BMAL1: variants seen among roughly 807,000 people sequenced by gnomAD.
BMAL1 encodes basic helix-loop-helix ARNT-like protein 1.
At chr11:13,328,327 G>A in the BMAL1 span, among the ~76,000 whole-genome samples, 1 of 152,160 alleles carries the variant, frequency 6.6e-6, no homozygotes, top group African/African-American at 2.4e-5. Context: ...TGAAATTTCA[G>A]TCTTTAAAAA....
At chr11:13,295,786 C>G in the BMAL1 span, among the ~76,000 whole-genome samples, 1 of 152,274 alleles carries the variant, frequency 6.6e-6, no homozygotes, top group Non-Finnish European at 1.5e-5. Flanking sequence ...ATTTTCTCTC[C>G]TATTATTTTC....
At chr11:13,374,031 C>A in the BMAL1 span, 1 of 1,466,120 alleles carries the variant, frequency 6.8e-7, no homozygotes, top group Non-Finnish European at 9.5e-7. Flanking sequence ...TTATCCATTG[C>A]AAAGTTGCAA....
At chr11:13,354,438 A>G in the BMAL1 span, 2 of 1,614,006 alleles carry the variant, frequency 1.2e-6, no homozygotes, top group African/African-American at 1.3e-5. Context: ...AGGCAGCTCC[A>G]CTGACTACCA....
At chr11:13,330,524 C>T in the BMAL1 span, among the ~76,000 whole-genome samples, 4 of 152,220 alleles carry the variant, frequency 2.6e-5, no homozygotes, top group Admixed American at 1.3e-4. Flanking sequence ...GGCCTGCAGC[C>T]ACATTTCAAG....
the BMAL1 span, among the ~76,000 whole-genome samples, chr11:13,355,641 A>C: frequency 2.6e-5 from 4 of 152,346 alleles, no homozygotes; most frequent in Non-Finnish European, 5.9e-5. Context: ...TGTCAGGCAG[A>C]GCTTTTTCTC....
the BMAL1 span, among the ~76,000 whole-genome samples, chr11:13,284,190 ATATG>A: frequency 6.4e-5 from 4 of 62,988 alleles, no homozygotes; most frequent in African/African-American, 4.6e-4. Context: ...GTATATATAT[ATATG>A]TGTGTATATA....
chr11:13,325,125 C>T, the BMAL1 span, among the ~76,000 whole-genome samples: 3,829 of 152,256 alleles, frequency 0.025, 73 homozygotes, highest in Non-Finnish European at 0.035. Flanking sequence ...CAGGAGGGGA[C>T]GAACTGGTCC....
the BMAL1 span, among the ~76,000 whole-genome samples, chr11:13,306,961 G>A: frequency 6.6e-6 from 1 of 152,236 alleles, no homozygotes; most frequent in Non-Finnish European, 1.5e-5. Flanking sequence ...CCAGCGAAGG[G>A]GGAGAGCCTT....
At chr11:13,291,266 T>G in the BMAL1 span, among the ~76,000 whole-genome samples, 10 of 152,258 alleles carry the variant, frequency 6.6e-5, no homozygotes, top group African/African-American at 2.2e-4. Context: ...ATGTCTTGTT[T>G]AGTCATCATC....
chr11:13,369,280 C>A, the BMAL1 span, among the ~76,000 whole-genome samples: 1 of 152,192 alleles, frequency 6.6e-6, no homozygotes, highest in Non-Finnish European at 1.5e-5. Flanking sequence ...CATACATCAC[C>A]CTGTCCTATT....
At chr11:13,372,889 TTC>T in the BMAL1 span, among the ~76,000 whole-genome samples, 1 of 152,230 alleles carries the variant, frequency 6.6e-6, no homozygotes, top group African/African-American at 2.4e-5. Context: ...ACAGAGATTT[TTC>T]TGTCATTCTT....
the BMAL1 span, chr11:13,356,931 C>A: frequency 6.3e-7 from 1 of 1,585,374 alleles, no homozygotes; most frequent in Admixed American, 1.8e-5. Flanking sequence ...TCCCTCCAAC[C>A]CCCAGTCCCC....
At chr11:13,318,253 G>T in the BMAL1 span, among the ~76,000 whole-genome samples, 3 of 152,176 alleles carry the variant, frequency 2.0e-5, no homozygotes, top group Non-Finnish European at 4.4e-5. Flanking sequence ...GTGACCATAG[G>T]TAGGAAGGAT....
At chr11:13,278,592 C>A in the BMAL1 span, among the ~76,000 whole-genome samples, 1 of 152,230 alleles carries the variant, frequency 6.6e-6, no homozygotes, top group Non-Finnish European at 1.5e-5. Context: ...CCGGGAATCC[C>A]CGGCCGGCAC....
chr11:13,367,369 T>C, the BMAL1 span, among the ~76,000 whole-genome samples: 28 of 152,280 alleles, frequency 1.8e-4, no homozygotes, highest in East Asian at 5.4e-3. Flanking sequence ...ACTTTAGTCC[T>C]GTGGGAGGCT....
the BMAL1 span, among the ~76,000 whole-genome samples, chr11:13,294,248 CAG>C: frequency 6.6e-6 from 1 of 152,114 alleles, no homozygotes; most frequent in Admixed American, 6.5e-5. Flanking sequence ...TGGAAAAAAA[CAG>C]GAATTGAAAT....
the BMAL1 span, among the ~76,000 whole-genome samples, chr11:13,343,056 T>C: frequency 6.6e-6 from 1 of 152,182 alleles, no homozygotes; most frequent in South Asian, 2.1e-4. Flanking sequence ...TCACCACAAC[T>C]GTGAGGCAGG....
At chr11:13,366,799 C>T in the BMAL1 span, 1 of 1,600,448 alleles carries the variant, frequency 6.2e-7, no homozygotes, top group South Asian at 1.1e-5. Flanking sequence ...ACCAGAGAGG[C>T]CTCGCATTTC....
At chr11:13,349,124 G>A in the BMAL1 span, among the ~76,000 whole-genome samples, 4 of 152,312 alleles carry the variant, frequency 2.6e-5, no homozygotes, top group South Asian at 6.2e-4. Flanking sequence ...TGGGAGGGCA[G>A]TACCGCCCGG....
Sources: allele counts gnomAD v4.1 joint callset (sites outside exome capture counted in the v4.1 genomes callset), GRCh38; gene constraint gnomAD v4.1.1; transcripts MANE v1.5; gene names NCBI Gene and HGNC (gene_info 2026-07-23, HGNC 2026-07-21).